The following SIX4 variants were observed in gnomAD, a reference collection of about 807,000 sequenced individuals.
SIX4 encodes the protein homeobox protein SIX4.
A neutral mutation model predicts 51.5 loss-of-function variants in SIX4; 23 were observed. That is an observed-to-expected ratio of 0.45 (90% confidence interval 0.32 to 0.63). SIX4 has a LOEUF of 0.63. SIX4 is among the 30% of genes least tolerant of loss of function. The pLI is 0.04. For missense variants in SIX4, 867 were observed against 984.0 expected, an observed-to-expected ratio of 0.88 and a Z score of 1.59; for synonymous variants, 413 against 417.3, an observed-to-expected ratio of 0.99 and a Z score of 0.13.
Position 60,712,204 on chromosome 14 carries a change from T to A in SIX4, c.*1203A>T, listed in dbSNP as rs1464062630. On this transcript the variant is annotated 3_prime_UTR_variant, in exon 3 of 3. Coordinates refer to ENST00000216513, the MANE Select transcript of SIX4 (RefSeq NM_017420.5). ...TATAATCAATTTGACATGGTATTTA[T>A]AACTTATTTTCCTTGTAATGAAAAG... The A allele has an allele frequency of 6.5e-6, 1 of 152,672 alleles. No homozygotes were observed. The highest frequency in any genetic ancestry group is 1.5e-5 in the Non-Finnish European group (1 of 68,028). The allele number at this position is 152,672 out of a possible 1,614,324, so 9.5% of individuals were successfully genotyped here. A position where few individuals can be genotyped will look rare whatever the true frequency, so the allele number is the denominator to read the frequency against.
Position 60,717,064 on chromosome 14 carries a change from TTTTA to T in SIX4, c.1549+2692_1549+2695del, listed in dbSNP as rs900412100. 142 of 318,550 alleles carry T rather than the reference TTTTA, an allele frequency of 4.5e-4. No individual in the cohort carries two copies. The highest frequency in any genetic ancestry group is 1.2e-3 in the South Asian group (45 of 37,638). The allele number at this position is 318,550 out of a possible 1,614,324, so 19.7% of individuals were successfully genotyped here. A position where few individuals can be genotyped will look rare whatever the true frequency, so the allele number is the denominator to read the frequency against. ...CTTAAGTATGCTTTAAAACTCTTATTTTTATTTATTTATTTATTTATTTTTGAGA... is the reference window on the plus strand; with the variant it reads ...CTTAAGTATGCTTTAAAACTCTTATTTTTATTTATTTATTTATTTTTGAGA... On this transcript the variant is annotated intron_variant, in intron 2 of 2. Transcript: ENST00000216513. The surrounding 1 kb of genome is among the most constrained non-coding windows in gnomAD (Gnocchi z 4.6).
rs755430527 is a variant in SIX4, at chr14:60,723,381, C to G, written c.694G>C (p.Glu232Gln). ...DGEETVYCFKEKSRNALKELY... is the reference protein window; with the variant it reads ...DGEETVYCFKQKSRNALKELY... ...TCCTTGAGCGCGTTGCGCGACTTCT[C>G]CTTGAAACAATACACCGTCTCCTCG... is the stretch of plus-strand genomic sequence containing the variant. Residue 232 changes from glutamate (E) to glutamine (Q), a missense_variant, in exon 1 of 3, where the codon GAG (glutamate) becomes CAG (glutamine). Coordinates refer to ENST00000216513, the MANE Select transcript of SIX4 (RefSeq NM_017420.5). The G allele has an allele frequency of 5.0e-6, 8 of 1,612,100 alleles. No homozygotes were observed. Among genetic ancestry groups the G allele is most frequent in the East Asian group, 2.2e-5 (1 of 44,710 alleles).
chr14:60,723,061 C>A, intron 1 of SIX4, 151 bp downstream of exon 1: 1 of 1,407,256 alleles, frequency 7.1e-7, no homozygotes, highest in Non-Finnish European at 9.2e-7. Context: ...CTCTGCCGGC[C>A]GGGGAGCGAG....
intron 2 of SIX4, among the ~76,000 whole-genome samples, chr14:60,715,424 TAA>T (rs1895905599): frequency 6.6e-6 from 1 of 152,218 alleles, no homozygotes; most frequent in Non-Finnish European, 1.5e-5. Flanking sequence ...CATAAAGTAA[TAA>T]GTCAACAAAA....
At chr14:60,721,276 AT>A in intron 1 of SIX4, 1 of 217,538 alleles carries the variant, frequency 4.6e-6, no homozygotes, top group Non-Finnish European at 7.6e-6. Context: ...GAAATACCAA[AT>A]CGGGGTTGGG....
At chr14:60,716,542 C>T (rs1046561363) in intron 2 of SIX4, among the ~76,000 whole-genome samples, 7 of 151,984 alleles carry the variant, frequency 4.6e-5, no homozygotes, top group Admixed American at 1.3e-4. Context: ...TGAGCCACCG[C>T]GCCTGGCCAA....
chr14:60,719,983 G>C lies in SIX4; in HGVS notation c.1326C>G (p.Val442=). Residue 442 remains valine (V), a synonymous_variant, in exon 2 of 3, where the codon GTC becomes GTG. Coordinates refer to ENST00000216513, the MANE Select transcript of SIX4 (RefSeq NM_017420.5). This position sits in a 1 kb window ranked among gnomAD's most constrained non-coding sequence, Gnocchi z 4.9. ...TTTSYSPSVP[V]SFPGLIPSTE... ...TGCTGGGTATCAGGCCTGGGAATGA[G>C]ACAGGGACACTGGGGCTGTAGGACG... 6.2e-7 allele frequency: 1 copy of C among 1,614,228 alleles called. No individual in the cohort carries two copies. The highest frequency in any genetic ancestry group is 8.5e-7 in the Non-Finnish European group (1 of 1,180,040).
chr14:60,713,518 C>T lies in SIX4; in HGVS notation c.2235G>A (p.Lys745=). 2 of 1,614,206 alleles carry T rather than the reference C, an allele frequency of 1.2e-6. No homozygotes were observed. Among genetic ancestry groups the T allele is most frequent in the African/African-American group, 1.3e-5 (1 of 75,040 alleles). The change falls in exon 3 of 3, where the codon AAG becomes AAA. Residue 745 remains lysine, a synonymous_variant. Coordinates refer to ENST00000216513, the MANE Select transcript of SIX4 (RefSeq NM_017420.5). The part of the protein sequence containing the change: ...SSLMMLDSKS[K]YVLDGMVDTV... ...TATCAACCATGCCATCTAAGACATACTTGGATTTAGAGTCCAGCATCATTA... is the reference window on the plus strand; with the variant it reads ...TATCAACCATGCCATCTAAGACATATTTGGATTTAGAGTCCAGCATCATTA...
In SIX4 at chr14:60,723,710, T is replaced by A. The variant is rs769249140; in HGVS notation, c.365A>T (p.Gln122Leu). 9.6e-6 allele frequency: 15 copies of A among 1,555,250 alleles called. No homozygotes were observed. The highest frequency in any genetic ancestry group is 1.3e-5 in the Non-Finnish European group (15 of 1,151,838). ...GGCCAGGCGGTCCAGGTTGCCCCCC[T>A]GCTGCAGTGCCTCGCACACGCAGGC... ...HVACVCEALQ[Q>L]GGNLDRLARF... Residue 122 changes from glutamine to leucine, a missense_variant, in exon 1 of 3, where the codon CAG becomes CTG. Physicochemically the swap from Gln to Leu is moderately radical, Grantham distance 113. Coordinates refer to ENST00000216513, the MANE Select transcript of SIX4 (RefSeq NM_017420.5).
At position 60,713,766 on chromosome 14, in the gene SIX4, T is replaced by C. The variant is rs757349118; in HGVS notation, c.1987A>G (p.Thr663Ala). ...GTAATAAGGGAGCAGTTCTGAAGAGTTGCATAGTTAGTGTTGCTGACAGAT... is the reference window on the plus strand; with the variant it reads ...GTAATAAGGGAGCAGTTCTGAAGAGCTGCATAGTTAGTGTTGCTGACAGAT... The part of the protein sequence containing the change: ...VTSVSNTNYA[T>A]LQNCSLITGQ... The change falls in exon 3 of 3, where the codon ACT becomes GCT. Residue 663 changes from threonine to alanine, a missense_variant. Coordinates refer to ENST00000216513, the MANE Select transcript of SIX4 (RefSeq NM_017420.5). 2.7e-5 allele frequency: 43 copies of C among 1,614,080 alleles called. No homozygotes were observed. The highest frequency in any genetic ancestry group is 6.7e-5 in the East Asian group (3 of 44,882).
At position 60,724,258 on chromosome 14, in the gene SIX4, T is replaced by G; in HGVS notation, c.-184A>C. On this transcript the variant is annotated 5_prime_UTR_variant, in exon 1 of 3. It removes an upstream start codon present in the reference 5' UTR. Transcript: ENST00000216513. ...TTTCCCCCCGGCCACGCAGTCACCA[T>G]TAAGATAGCTGTTAGAGCAAAGTAG... 6.5e-7 allele frequency: 1 copy of G among 1,534,972 alleles called. No homozygotes were observed.
intron 2 of SIX4, among the ~76,000 whole-genome samples, chr14:60,718,795 G>T (rs1895966260): frequency 6.6e-6 from 1 of 152,174 alleles, no homozygotes; most frequent in Non-Finnish European, 1.5e-5. Flanking sequence ...GTGGTAACAA[G>T]AGAGTTGTGC....
intron 1 of SIX4, among the ~76,000 whole-genome samples, chr14:60,721,665 T>G: frequency 6.6e-6 from 1 of 151,214 alleles, no homozygotes; most frequent in Non-Finnish European, 1.5e-5. Context: ...AAGCCAGCAG[T>G]GGAGCGTGGG....
chr14:60,721,959 T>C (rs1327316884), intron 1 of SIX4, among the ~76,000 whole-genome samples: 1 of 152,158 alleles, frequency 6.6e-6, no homozygotes, highest in Admixed American at 6.5e-5. Context: ...CTCCCAGCCT[T>C]GGGCGAGGAA....
rs1895829303 is a variant in SIX4, at chr14:60,711,931, T to C, written c.*1476A>G. On this transcript the variant is annotated 3_prime_UTR_variant, in exon 3 of 3. Coordinates refer to ENST00000216513, the MANE Select transcript of SIX4 (RefSeq NM_017420.5). ...TACTCACTACATAAATTTATTTGCA[T>C]TGTTACATCTTGTGTTCAGAGTCTT... The C allele has an allele frequency of 6.5e-6, 1 of 152,792 alleles. No individual in the cohort carries two copies. The highest frequency in any genetic ancestry group is 2.1e-4 in the South Asian group (1 of 4,834). 9.5% of individuals were successfully genotyped at this position (152,792 alleles called of 1,614,324 possible). A position where few individuals can be genotyped will look rare whatever the true frequency, so the allele number is the denominator to read the frequency against.
At position 60,713,638 on chromosome 14, in the gene SIX4, C is replaced by G. The variant is rs1895863086; in HGVS notation, c.2115G>C (p.Gln705His). Residue 705 changes from glutamine (Q) to histidine (H), a missense_variant, in exon 3 of 3, where the codon CAG becomes CAC. Transcript: ENST00000216513. ...QVGHPSPAVH[Q>H]DFVQEHRLVL... ...CCAAACGATGTTCTTGGACAAAATC[C>G]TGATGTACTGCTGGGGAGGGGTGAC... The G allele has an allele frequency of 6.2e-7, 1 of 1,614,048 alleles. No homozygotes were observed. Among genetic ancestry groups the G allele is most frequent in the Non-Finnish European group, 8.5e-7 (1 of 1,180,034 alleles).
In SIX4 at chr14:60,724,335, G is replaced by A; in HGVS notation, c.-261C>T. The stretch of plus-strand genomic sequence containing the variant: ...TTCCCCCAACGTGACTCCTCCGGTT[G>A]CTGCATACTATATGGCAGTGGCGGC... On this transcript the variant is annotated 5_prime_UTR_variant, in exon 1 of 3. An upstream open reading frame in the 5' UTR gains an earlier in-frame stop. Transcript: ENST00000216513. 2 of 1,469,016 alleles carry A rather than the reference G, an allele frequency of 1.4e-6. No individual in the cohort carries two copies. The highest frequency in any genetic ancestry group is 2.8e-5 in the East Asian group (1 of 35,714). The allele number at this position is 1,469,016 out of a possible 1,614,324, so 91.0% of individuals were successfully genotyped here. A position where few individuals can be genotyped will look rare whatever the true frequency, so the allele number is the denominator to read the frequency against.
chr14:60,723,310 G>A lies in SIX4; in HGVS notation c.765C>T (p.His255=). 2 of 1,613,374 alleles carry A rather than the reference G, an allele frequency of 1.2e-6. No individual in the cohort carries two copies. The highest frequency in any genetic ancestry group is 1.7e-6 in the Non-Finnish European group (2 of 1,180,000). The change falls in exon 1 of 3, where the codon CAC becomes CAT. Residue 255 remains histidine (H), a synonymous_variant. Transcript: ENST00000216513. ...GGGAGAGGCCGGTGATCTTGGCCAGGTGCCGCTTCTCGGCGGGCGAAGGGT... is the reference window on the plus strand; with the variant it reads ...GGGAGAGGCCGGTGATCTTGGCCAGATGCCGCTTCTCGGCGGGCGAAGGGT... ...NRYPSPAEKR[H]LAKITGLSLT...
rs1365349843 is a variant in SIX4, at chr14:60,712,734, G to A, written c.*673C>T. Reference sequence around the variant, plus strand: ...ATATACATTAAAAATAAAATTCACTGTAATTACTCAAATCCTGCTTATAGA... The same window carrying A: ...ATATACATTAAAAATAAAATTCACTATAATTACTCAAATCCTGCTTATAGA... On this transcript the variant is annotated 3_prime_UTR_variant, in exon 3 of 3. Coordinates refer to ENST00000216513, the MANE Select transcript of SIX4 (RefSeq NM_017420.5). 4 of 152,516 alleles carry A rather than the reference G, an allele frequency of 2.6e-5. No individual in the cohort carries two copies. Among genetic ancestry groups the A allele is most frequent in the African/African-American group, 9.7e-5 (4 of 41,434 alleles). 9.4% of individuals were successfully genotyped at this position (152,516 alleles called of 1,614,324 possible). A position where few individuals can be genotyped will look rare whatever the true frequency, so the allele number is the denominator to read the frequency against.
Sources: gnomAD v4.1 joint callset for allele counts (sites outside exome capture counted in the v4.1 genomes callset) on GRCh38, gnomAD v4.1.1 for gene constraint, Gnocchi (gnomAD v3.1) non-coding constraint, MANE v1.5 for transcripts, NCBI Gene and HGNC (gene_info 2026-07-23, HGNC 2026-07-21) for gene names.